The following PSME4 variants were observed in gnomAD, a reference collection of about 807,000 sequenced individuals.
PSME4 encodes proteasome activator complex subunit 4.
A neutral mutation model predicts 253.9 loss-of-function variants in PSME4; 89 were observed. The observed-to-expected ratio is 0.35, with a 90% CI of 0.30 to 0.42. The LOEUF (loss-of-function observed/expected upper bound fraction) is 0.42, where lower values mean the gene tolerates loss of function less well. Ranked by LOEUF, PSME4 falls within the 10% of genes least tolerant of loss-of-function variation. The pLI is 1.00. For synonymous variants in PSME4, 851 were observed against 759.2 expected, an observed-to-expected ratio of 1.12 and a Z score of -1.99; for missense variants, 2,014 against 2,195.2, an observed-to-expected ratio of 0.92 and a Z score of 1.65.
Position 53,920,870 on chromosome 2 carries a change from A to C in PSME4, c.2262+19T>G. ...AAAATCAACATATTCTTGAATCCTA[A>C]AGTACTGAAAATGCTTGCCTTGATA... On this transcript the variant is annotated intron_variant, in intron 18 of 46. Transcript: ENST00000404125. 1 of 1,554,198 alleles carries C rather than the reference A, an allele frequency of 6.4e-7. No individual in the cohort carries two copies. Among genetic ancestry groups the C allele is most frequent in the Non-Finnish European group, 8.9e-7 (1 of 1,127,418 alleles).
chr2:53,887,975 A>G lies in PSME4; in HGVS notation c.4403T>C (p.Leu1468Pro). ...TTCTTGCTGGGCAAGGCCACCTTGTAGTACATAAAGTCGACTAAAATTAAA... is the reference window on the plus strand; with the variant it reads ...TTCTTGCTGGGCAAGGCCACCTTGTGGTACATAAAGTCGACTAAAATTAAA... ...SFVDACRLYV[L>P]QGGLAQQEWR... The change falls in exon 39 of 47, where the codon CTA (leucine) becomes CCA (proline). Residue 1468 changes from leucine to proline, a missense_variant. Physicochemically the swap from Leu to Pro is moderately conservative, Grantham distance 98. Around this residue, in one of 4 missense-constraint regions of PSME4, gnomAD observed 403 missense variants for 556.1 expected, o/e 0.72. Coordinates refer to ENST00000404125, the MANE Select transcript of PSME4 (RefSeq NM_014614.3). The G allele has an allele frequency of 6.2e-7, 1 of 1,610,086 alleles. No individual in the cohort carries two copies. The highest frequency in any genetic ancestry group is 8.5e-7 in the Non-Finnish European group (1 of 1,178,668).
chr2:53,920,234 G>A lies in PSME4; in HGVS notation c.2379C>T (p.Val793=). 1 of 1,613,414 alleles carries A rather than the reference G, an allele frequency of 6.2e-7. No individual in the cohort carries two copies. The highest frequency in any genetic ancestry group is 1.7e-5 in the Admixed American group (1 of 60,004). The change falls in exon 19 of 47, where the codon GTC becomes GTT. Residue 793 remains valine (V), a synonymous_variant. Coordinates refer to ENST00000404125, the MANE Select transcript of PSME4 (RefSeq NM_014614.3). ...LLDSFLQPEL[V]KLQHCGDGKL... is the part of the protein sequence containing the mutation. The stretch of plus-strand genomic sequence containing the variant: ...TTCCATCCCCACAATGCTGGAGTTT[G>A]ACGAGCTCAGGCTGAAGAAAGGAGT...
At chr2:53,922,927 C>A in intron 16 of PSME4, 122 bp downstream of exon 16, 2 of 836,398 alleles carry the variant, frequency 2.4e-6, no homozygotes, top group Non-Finnish European at 3.5e-6. Context: ...ACAAATTTTC[C>A]CCAAATTGCC....
At chr2:53,918,438 C>G (rs1306715373) in intron 20 of PSME4, among the ~76,000 whole-genome samples, 2 of 152,188 alleles carry the variant, frequency 1.3e-5, no homozygotes, top group Non-Finnish European at 2.9e-5. Context: ...CCTGCAACCT[C>G]TGCCTCCTGG....
chr2:53,949,194 A>G lies in PSME4; in HGVS notation c.332T>C (p.Leu111Pro), dbSNP rs759674324. 2.5e-6 allele frequency: 4 copies of G among 1,611,956 alleles called. No individual in the cohort carries two copies. Among genetic ancestry groups the G allele is most frequent in the Non-Finnish European group, 2.5e-6 (3 of 1,178,980 alleles). Residue 111 changes from leucine to proline, a missense_variant, in exon 2 of 47, where the codon CTG (leucine) becomes CCG (proline). Leu to Pro is a moderately conservative substitution (Grantham distance 98). Around this residue, in one of 4 missense-constraint regions of PSME4, gnomAD observed 615 missense variants for 594.4 expected, o/e 1.03. Transcript: ENST00000404125. The stretch of plus-strand genomic sequence containing the variant: ...AAATCCCTGCATCATGCTGATTTCC[A>G]GTTTTGGAATTGATACCAGCTCATA... ...LLYELVSIPK[L>P]EISMMQGFAR...
At chr2:53,907,362 A>G (rs528143913) in intron 24 of PSME4, among the ~76,000 whole-genome samples, 2 of 152,286 alleles carry the variant, frequency 1.3e-5, no homozygotes, top group South Asian at 4.1e-4. Context: ...TTGAGGCTCA[A>G]AGACTCTTCT....
At chr2:53,905,570 C>G (rs922804955) in intron 26 of PSME4, among the ~76,000 whole-genome samples, 2 of 152,248 alleles carry the variant, frequency 1.3e-5, no homozygotes, top group Non-Finnish European at 2.9e-5. Flanking sequence ...AGCATGGTGG[C>G]GCATGCCTGT....
At chr2:53,931,791 A>G (rs1396955124) in intron 10 of PSME4, 44 bp downstream of exon 10, 1 of 1,600,472 alleles carries the variant, frequency 6.2e-7, no homozygotes, top group African/African-American at 1.3e-5. Context: ...GAACAGACCA[A>G]AAGAAAAACC....
At chr2:53,866,626 C>A in intron 45 of PSME4, 121 bp downstream of exon 45, 1 of 1,118,026 alleles carries the variant, frequency 8.9e-7, no homozygotes, top group African/African-American at 1.6e-5. Context: ...CAGACTAAGC[C>A]TTGGCAGAGG....
intron 3 of PSME4, among the ~76,000 whole-genome samples, chr2:53,941,941 G>A (rs771672784): frequency 4.6e-5 from 7 of 152,098 alleles, no homozygotes; most frequent in African/African-American, 7.2e-5. Flanking sequence ...ATAAAAGGCT[G>A]CAAAGCTACA....
intron 4 of PSME4, among the ~76,000 whole-genome samples, chr2:53,938,168 A>G (rs997795895): frequency 1.3e-5 from 2 of 151,748 alleles, no homozygotes; most frequent in African/African-American, 4.8e-5. Flanking sequence ...TGTAACAATT[A>G]AAAAAAAATC....
At chr2:53,962,965 G>A (rs1394066956) in intron 1 of PSME4, among the ~76,000 whole-genome samples, 2 of 150,574 alleles carry the variant, frequency 1.3e-5, no homozygotes, top group African/African-American at 4.9e-5. Flanking sequence ...AGCCGAGATC[G>A]CGCCACTGCA....
chr2:53,898,842 G>A (rs764812546), intron 29 of PSME4, among the ~76,000 whole-genome samples: 3 of 151,888 alleles, frequency 2.0e-5, no homozygotes, highest in African/African-American at 4.8e-5. Flanking sequence ...TAAGTGCTTT[G>A]GTATCAAGAA....
chr2:53,945,827 AAG>A (rs1669674365), intron 3 of PSME4, among the ~76,000 whole-genome samples: 1 of 152,244 alleles, frequency 6.6e-6, no homozygotes, highest in Non-Finnish European at 1.5e-5. Context: ...GAATATATCT[AAG>A]AAGAAAAAAC....
intron 12 of PSME4, among the ~76,000 whole-genome samples, chr2:53,927,137 T>C (rs1668592303): frequency 6.6e-6 from 1 of 152,154 alleles, no homozygotes; most frequent in Non-Finnish European, 1.5e-5. Flanking sequence ...TAACAAAACA[T>C]TGAAAAGTGA....
chr2:53,903,903 C>T (rs1680526715), intron 27 of PSME4, 122 bp downstream of exon 27: 2 of 801,050 alleles, frequency 2.5e-6, no homozygotes, highest in Non-Finnish European at 3.9e-6. Context: ...AAAGCAAATA[C>T]AGCAAAATCT....
chr2:53,957,946 T>C (rs763824889), intron 1 of PSME4, among the ~76,000 whole-genome samples: 20 of 152,078 alleles, frequency 1.3e-4, no homozygotes, highest in Non-Finnish European at 2.2e-4. Context: ...TAAAAACTTG[T>C]TGGCCAGGAG....
At chr2:53,866,686 T>C in intron 45 of PSME4, 61 bp downstream of exon 45, 1 of 1,528,364 alleles carries the variant, frequency 6.5e-7, no homozygotes, top group South Asian at 1.2e-5. Flanking sequence ...AAATTATTAT[T>C]ATGGTTTCTT....
intron 37 of PSME4, among the ~76,000 whole-genome samples, chr2:53,889,039 A>AT (rs528016794): frequency 4.5e-4 from 69 of 151,834 alleles, no homozygotes; most frequent in African/African-American, 1.6e-3. Context: ...CTAATTTTTT[A>AT]TTTTTTGTAG....
Sources: allele counts gnomAD v4.1 joint callset (sites outside exome capture counted in the v4.1 genomes callset), GRCh38; gene constraint gnomAD v4.1.1; regional missense constraint gnomAD v4.1.1; transcripts MANE v1.5; gene names NCBI Gene and HGNC (gene_info 2026-07-23, HGNC 2026-07-21).